Variants in HMGXB3 observed in about 807,000 individuals in gnomAD.
The protein encoded by HMGXB3 is HMG-box containing 3.
Under a neutral mutation model 121.5 loss-of-function variants are expected in HMGXB3, and 45 were observed. The observed-to-expected ratio is 0.37, with a 90% CI of 0.29 to 0.47. The LOEUF (loss-of-function observed/expected upper bound fraction) is 0.47. HMGXB3 is among the 20% of genes least tolerant of loss of function. The pLI, the probability that HMGXB3 is intolerant of heterozygous loss-of-function variation, is 0.99. For synonymous variants in HMGXB3, 590 were observed against 624.1 expected (o/e 0.95, Z 0.81); for missense variants, 1,376 against 1,602.2 (o/e 0.86, Z 2.41).
rs149183761 is a variant in HMGXB3 at position 150,049,799 on chromosome 5, A to G, written c.3202-453A>G. Among the ~76,000 whole-genome samples, 98 of 152,298 alleles carry G rather than the reference A, an allele frequency of 6.4e-4. 1 individual carries two copies. The highest frequency in any genetic ancestry group is 2.2e-3 in the African/African-American group (93 of 41,566). ...TACATTGTGGATTCCCATCTGGGCA[A>G]CAAGCCCACTGGGGTCTGGTGGGGA... On this transcript the variant is annotated intron_variant, in intron 18 of 19. Coordinates refer to ENST00000502717, the MANE Select transcript of HMGXB3 (RefSeq NM_014983.3).
At chr5:150,047,849 C>A in intron 17 of HMGXB3, 92 bp downstream of exon 17, 1 of 1,407,442 alleles carries the variant, frequency 7.1e-7, no homozygotes, top group African/African-American at 1.4e-5. Flanking sequence ...TCTGTGATGG[C>A]ATCTGCCTTG....
chr5:150,037,173 C>T (rs1247713196), intron 12 of HMGXB3, among the ~76,000 whole-genome samples: 1 of 152,112 alleles, frequency 6.6e-6, no homozygotes, highest in African/African-American at 2.4e-5. Context: ...CTGCCCCACA[C>T]AATGTTTAGG....
At chr5:150,045,105 C>T (rs767726103) in intron 15 of HMGXB3, among the ~76,000 whole-genome samples, 1 of 152,182 alleles carries the variant, frequency 6.6e-6, no homozygotes, top group Non-Finnish European at 1.5e-5. Flanking sequence ...CTCACCTCAG[C>T]CATCCCCAGA....
chr5:150,003,033 C>T (rs918810682), intron 1 of HMGXB3, among the ~76,000 whole-genome samples: 10 of 152,140 alleles, frequency 6.6e-5, no homozygotes, highest in African/African-American at 2.4e-4. Flanking sequence ...GTCCCAGCTA[C>T]TTGGGAGGCC....
chr5:150,034,809 T>C (rs1240193660), intron 11 of HMGXB3, among the ~76,000 whole-genome samples: 2 of 152,236 alleles, frequency 1.3e-5, no homozygotes, highest in Non-Finnish European at 2.9e-5. Flanking sequence ...TTTAGTCCTT[T>C]CTATCCTTCA....
chr5:150,015,357 T>C (rs1431401464), intron 5 of HMGXB3, among the ~76,000 whole-genome samples: 2 of 152,238 alleles, frequency 1.3e-5, no homozygotes, highest in African/African-American at 2.4e-5. Flanking sequence ...GGCACAATCA[T>C]GGCTCACTGC....
In HMGXB3 at chr5:150,004,928, C is replaced by G; in HGVS notation, c.76C>G (p.Pro26Ala). 1 of 1,551,824 alleles carries G rather than the reference C, an allele frequency of 6.4e-7. No homozygotes were observed. The highest frequency in any genetic ancestry group is 8.7e-7 in the Non-Finnish European group (1 of 1,146,972). ...TGAGGAAGCCTATTGTTACACCTCT[C>G]CTGGGCCACCCAAGAAGAAGAAAAA... Reference protein sequence around the residue: ...EIEEAYCYTSPGPPKKKKKYK... With the variant: ...EIEEAYCYTSAGPPKKKKKYK... The change falls in exon 2 of 20, where the codon CCT (proline) becomes GCT (alanine). Residue 26 changes from proline (P) to alanine (A), a missense_variant. This residue lies in a region of HMGXB3 where 1,116 missense variants were observed against 1,369.0 expected (regional missense o/e 0.82). Transcript: ENST00000502717.
intron 18 of HMGXB3, among the ~76,000 whole-genome samples, chr5:150,049,740 T>TG (rs1039506613): frequency 1.3e-5 from 2 of 151,550 alleles, no homozygotes; most frequent in South Asian, 2.1e-4. Flanking sequence ...GAATGGTGCT[T>TG]GGGGGGCCCT....
In HMGXB3 at chr5:150,050,423, A is replaced by T. The variant is rs1756863624; in HGVS notation, c.3373A>T (p.Asn1125Tyr). ...PELTNQMWGRNQGCFSSPTEP... is the reference protein window; with the variant it reads ...PELTNQMWGRYQGCFSSPTEP... ...GCTGACTAACCAGATGTGGGGGAGG[A>T]ACCAGGGCTGTTTCTCTAGCCCCAC... The change falls in exon 19 of 20, where the codon AAC (asparagine) becomes TAC (tyrosine). Residue 1125 changes from asparagine to tyrosine, a missense_variant. Physicochemically the swap from Asn to Tyr is moderately radical, Grantham distance 143. Around this residue, in one of 2 missense-constraint regions of HMGXB3, gnomAD observed 260 missense variants for 233.2 expected, o/e 1.11. Coordinates refer to ENST00000502717, the MANE Select transcript of HMGXB3 (RefSeq NM_014983.3). 3 of 1,551,616 alleles carry T rather than the reference A, an allele frequency of 1.9e-6. No individual in the cohort carries two copies. Among genetic ancestry groups the T allele is most frequent in the Non-Finnish European group, 2.6e-6 (3 of 1,146,924 alleles).
At chr5:150,012,449 T>C in intron 5 of HMGXB3, 96 bp downstream of exon 5, 1 of 818,918 alleles carries the variant, frequency 1.2e-6, no homozygotes, top group Non-Finnish European at 2.0e-6. Flanking sequence ...AGCTACCAGT[T>C]GTAGGACCAA....
intron 15 of HMGXB3, among the ~76,000 whole-genome samples, chr5:150,042,640 A>G (rs1216901070): frequency 2.0e-5 from 3 of 152,158 alleles, no homozygotes; most frequent in African/African-American, 4.8e-5. Context: ...TATGAGGTCC[A>G]GACAGTGCAG....
chr5:150,012,054 A>T (rs1005359210), intron 4 of HMGXB3, among the ~76,000 whole-genome samples: 1 of 152,240 alleles, frequency 6.6e-6, no homozygotes, highest in South Asian at 2.1e-4. Context: ...TAAAATAAAC[A>T]TAGCACACTT....
At chr5:150,040,056 C>G (rs1756591537) in intron 13 of HMGXB3, among the ~76,000 whole-genome samples, 1 of 152,120 alleles carries the variant, frequency 6.6e-6, no homozygotes, top group South Asian at 2.1e-4. Context: ...CCTGGCCTTT[C>G]CCCAGGTGAA....
chr5:150,021,846 T>G (rs1756101907), intron 6 of HMGXB3: 1 of 510,344 alleles, frequency 2.0e-6, no homozygotes, highest in Admixed American at 2.0e-5. Context: ...ATGTTGCAGC[T>G]CGTTAGAGTG....
chr5:150,024,234 T>G (rs964516017), intron 6 of HMGXB3, 28 bp from the exon 7 acceptor site: 2 of 1,470,538 alleles, frequency 1.4e-6, no homozygotes, highest in African/African-American at 2.9e-5. Context: ...AAATCCCTTA[T>G]GTATACAAGG....
intron 1 of HMGXB3, among the ~76,000 whole-genome samples, chr5:150,001,716 A>T (rs536435871): frequency 1.3e-5 from 2 of 152,190 alleles, no homozygotes; most frequent in Non-Finnish European, 2.9e-5. Flanking sequence ...GAGTCTGATA[A>T]CAAACTTGTA....
At chr5:150,034,196 C>T (rs1367605808) in intron 11 of HMGXB3, among the ~76,000 whole-genome samples, 1 of 152,186 alleles carries the variant, frequency 6.6e-6, no homozygotes, top group African/African-American at 2.4e-5. Flanking sequence ...AGTAAGCTTT[C>T]TTCCCGGATT....
At position 150,027,009 on chromosome 5, in the gene HMGXB3, G is replaced by A. The variant is rs1302220603; in HGVS notation, c.1637-11G>A. On this transcript the variant is annotated splice_polypyrimidine_tract_variant and intron_variant, in intron 8 of 19. Coordinates refer to ENST00000502717, the MANE Select transcript of HMGXB3 (RefSeq NM_014983.3). ...CACTTAAGTCACCAGTTTGGCTCCTGGTTCTCTCAGATAAGACTCCCTCTG... is the reference window on the plus strand; with the variant it reads ...CACTTAAGTCACCAGTTTGGCTCCTAGTTCTCTCAGATAAGACTCCCTCTG... The A allele has an allele frequency of 1.3e-6, 2 of 1,551,228 alleles. No homozygotes were observed. Among genetic ancestry groups the A allele is most frequent in the Admixed American group, 3.9e-5 (2 of 50,950 alleles).
At chr5:150,008,328 T>C (rs1016793964) in intron 3 of HMGXB3, among the ~76,000 whole-genome samples, 4 of 152,110 alleles carry the variant, frequency 2.6e-5, no homozygotes, top group Admixed American at 2.6e-4. Context: ...CATTTTAACT[T>C]TTGAGTCTTG....
Sources: allele counts gnomAD v4.1 joint callset (sites outside exome capture counted in the v4.1 genomes callset), GRCh38; gene constraint gnomAD v4.1.1; regional missense constraint gnomAD v4.1.1; transcripts MANE v1.5; gene names NCBI Gene and HGNC (gene_info 2026-07-23, HGNC 2026-07-21).